The following NXPH1 variants were observed in gnomAD, a reference collection of about 807,000 sequenced individuals.
The protein encoded by NXPH1 is neurexophilin-1.
A neutral mutation model predicts 23.7 loss-of-function variants in NXPH1; 5 were observed. That is an observed-to-expected ratio of 0.21 (90% CI 0.11 to 0.44). NXPH1 has a LOEUF of 0.44. Among genes scored for constraint, NXPH1 ranks in the 20% least tolerant of loss-of-function variants. The pLI, the probability that NXPH1 is intolerant of heterozygous loss-of-function variation, is 0.99. For missense variants in NXPH1, 324 were observed against 321.6 expected (o/e 1.01, Z -0.06); for synonymous variants, 144 against 122.2 (o/e 1.18, Z -1.18).
In NXPH1 at chr7:8,749,030, A is replaced by G. The variant is rs191051969; in HGVS notation, c.55-1978A>G. On this transcript the variant is annotated intron_variant, in intron 2 of 2. Transcript: ENST00000405863. The stretch of plus-strand genomic sequence containing the variant: ...GAGATGACGAAGGTTCTCTGCATCT[A>G]TGTCCCTGGGGGAGCCCATTTTTTT... Among the ~76,000 whole-genome samples, 4 of 152,280 alleles carry G rather than the reference A, an allele frequency of 2.6e-5. No individual in the cohort carries two copies. In the East Asian group the frequency reaches 7.7e-4, roughly 29 times the overall value.
intron 2 of NXPH1, among the ~76,000 whole-genome samples, chr7:8,563,906 A>T (rs1199723965): frequency 1.3e-5 from 2 of 151,798 alleles, no homozygotes; most frequent in Non-Finnish European, 2.9e-5. Context: ...AGAGCAAAAC[A>T]AACAGCCACA....
Position 8,733,728 on chromosome 7 carries a change from A to T in NXPH1, c.55-17280A>T, listed in dbSNP as rs1435503090. 2.0e-5 allele frequency among the ~76,000 whole-genome samples: 3 copies of T among 150,554 alleles called. No individual in the cohort carries two copies. In the East Asian group the frequency reaches 5.9e-4, roughly 29 times the overall value. Reference sequence around the variant, plus strand: ...CCTTTGCCCACTTTTTGATGGGATTATTTTTTTCTTGTAAATTTGTTTAAG... The same window carrying T: ...CCTTTGCCCACTTTTTGATGGGATTTTTTTTTTCTTGTAAATTTGTTTAAG... On this transcript the variant is annotated intron_variant, in intron 2 of 2. Transcript: ENST00000405863.
intron 2 of NXPH1, among the ~76,000 whole-genome samples, chr7:8,683,908 A>G (rs975055557): frequency 6.6e-6 from 1 of 152,204 alleles, no homozygotes; most frequent in African/African-American, 2.4e-5. Flanking sequence ...AATGATAATT[A>G]TAAGAATTCA....
intron 2 of NXPH1, among the ~76,000 whole-genome samples, chr7:8,633,632 A>G (rs1265038582): frequency 6.6e-6 from 1 of 152,208 alleles, no homozygotes. Context: ...ACCACTCAAC[A>G]GGATGTTTAG....
Position 8,527,802 on chromosome 7 carries a change from T to C in NXPH1, c.54+92035T>C, listed in dbSNP as rs6961502. Among the ~76,000 whole-genome samples, 146 of 152,310 alleles carry C rather than the reference T, an allele frequency of 9.6e-4. 1 individual carries two copies. The highest frequency in any genetic ancestry group is 3.4e-3 in the African/African-American group (140 of 41,570). On this transcript the variant is annotated intron_variant, in intron 2 of 2. Coordinates refer to ENST00000405863, the MANE Select transcript of NXPH1 (RefSeq NM_152745.3). ...CCTGAAGAGACCTAACTATTGTAAT[T>C]CAACATGGCAAAAGGACACCCACAA... is the stretch of plus-strand genomic sequence containing the variant.
At chr7:8,600,452 C>A (rs996453201) in intron 2 of NXPH1, among the ~76,000 whole-genome samples, 1 of 152,174 alleles carries the variant, frequency 6.6e-6, no homozygotes, top group African/African-American at 2.4e-5. Flanking sequence ...GATTGCATAA[C>A]TGAACCATCT....
intron 2 of NXPH1, among the ~76,000 whole-genome samples, chr7:8,716,987 C>T (rs1033686032): frequency 6.6e-6 from 1 of 152,142 alleles, no homozygotes; most frequent in African/African-American, 2.4e-5. Context: ...TGCCCCAGTA[C>T]CCACCTTCAT....
chr7:8,728,649 T>G (rs1227659489), intron 2 of NXPH1, among the ~76,000 whole-genome samples: 1 of 151,374 alleles, frequency 6.6e-6, no homozygotes, highest in Non-Finnish European at 1.5e-5. Context: ...ATTTATTGAT[T>G]TGCGTATATT....
intron 2 of NXPH1, among the ~76,000 whole-genome samples, chr7:8,686,143 T>C (rs1459050245): frequency 1.3e-5 from 2 of 152,198 alleles, no homozygotes; most frequent in Non-Finnish European, 2.9e-5. Flanking sequence ...AGTTAAGTAT[T>C]TGATAAAATA....
At chr7:8,735,874 G>A (rs1328728641) in intron 2 of NXPH1, among the ~76,000 whole-genome samples, 2 of 152,130 alleles carry the variant, frequency 1.3e-5, no homozygotes, top group Non-Finnish European at 2.9e-5. Flanking sequence ...GAGGGTGTAT[G>A]TGTCCAGGAA....
At chr7:8,508,567 A>G (rs377462763) in intron 2 of NXPH1, among the ~76,000 whole-genome samples, 1 of 152,132 alleles carries the variant, frequency 6.6e-6, no homozygotes, top group South Asian at 2.1e-4. Flanking sequence ...ATCCTTGGAT[A>G]AACACTGTGG....
At chr7:8,444,299 A>G (rs987769284) in intron 2 of NXPH1, among the ~76,000 whole-genome samples, 12 of 152,210 alleles carry the variant, frequency 7.9e-5, no homozygotes, top group African/African-American at 2.7e-4. Flanking sequence ...TCAGAAGGTG[A>G]AAAGAGCGGT....
intron 2 of NXPH1, among the ~76,000 whole-genome samples, chr7:8,674,000 A>G (rs926134732): frequency 2.0e-5 from 3 of 152,174 alleles, no homozygotes; most frequent in Non-Finnish European, 4.4e-5. Flanking sequence ...TACTCCACAT[A>G]ACAAAGTAAA....
intron 2 of NXPH1, among the ~76,000 whole-genome samples, chr7:8,617,783 A>C (rs572242551): frequency 6.6e-6 from 1 of 152,256 alleles, no homozygotes; most frequent in East Asian, 1.9e-4. Context: ...GTTTTAAAAC[A>C]ACTTAAAGAG....
chr7:8,556,931 G>C (rs1020162221), intron 2 of NXPH1, among the ~76,000 whole-genome samples: 1 of 151,656 alleles, frequency 6.6e-6, no homozygotes, highest in African/African-American at 2.4e-5. Context: ...CCCCATTCCA[G>C]ATGAAGAAAC....
At chr7:8,620,700 T>C (rs182209331) in intron 2 of NXPH1, among the ~76,000 whole-genome samples, 4 of 152,338 alleles carry the variant, frequency 2.6e-5, no homozygotes, top group Admixed American at 2.6e-4. Flanking sequence ...TTCTACGCTT[T>C]AGAATTATAC....
chr7:8,657,433 C>G (rs1393952068), intron 2 of NXPH1, among the ~76,000 whole-genome samples: 1 of 152,128 alleles, frequency 6.6e-6, no homozygotes, highest in Admixed American at 6.5e-5. Flanking sequence ...AGGACATTTC[C>G]TTTCACAACA....
At chr7:8,448,092 G>A (rs573798665) in intron 2 of NXPH1, among the ~76,000 whole-genome samples, 1 of 152,338 alleles carries the variant, frequency 6.6e-6, no homozygotes, top group East Asian at 1.9e-4. Context: ...CTGGCTAGGA[G>A]AAAAGAGAAG....
chr7:8,701,414 T>TCCTCTTGCA (rs542898822), intron 2 of NXPH1, among the ~76,000 whole-genome samples: 68 of 152,214 alleles, frequency 4.5e-4, no homozygotes, highest in South Asian at 2.9e-3. Flanking sequence ...GCCTGTTCCC[T>TCCTCTTGCA]CCTCTTGCAC....
Sources: allele counts gnomAD v4.1 joint callset (sites outside exome capture counted in the v4.1 genomes callset), GRCh38; gene constraint gnomAD v4.1.1; transcripts MANE v1.5; gene names NCBI Gene and HGNC (gene_info 2026-07-23, HGNC 2026-07-21).